The following RGS6 variants were observed in gnomAD, a reference collection of about 807,000 sequenced individuals.
RGS6 encodes regulator of G-protein signaling 6.
RGS6 carries 30 observed loss-of-function variants against 78.5 expected under a neutral mutation model. The observed-to-expected ratio is 0.38, with a 90% CI of 0.29 to 0.52. The LOEUF is 0.52. RGS6 is among the 20% of genes least tolerant of loss of function. RGS6 has a pLI of 0.85. For missense variants in RGS6, 495 were observed against 609.7 expected (o/e 0.81, Z 1.98); for synonymous variants, 206 against 206.0 (o/e 1.00, Z 0.00).
At chr14:72,519,905 A>G (rs757123036) in intron 15 of RGS6, among the ~76,000 whole-genome samples, 2 of 152,210 alleles carry the variant, frequency 1.3e-5, no homozygotes, top group Non-Finnish European at 2.9e-5. Flanking sequence ...CTAGCACAGT[A>G]TTAACACTCC....
rs111288638 is a variant in RGS6 at position 72,221,575 on chromosome 14, A to G, written c.85-130520A>G. ...AGGACTTCCAATCTGACATTTTTAA[A>G]CCCCTGAACAAGTGACGACAATCAC... On this transcript the variant is annotated intron_variant, in intron 2 of 17. Coordinates refer to ENST00000553525, the MANE Select transcript of RGS6 (RefSeq NM_001204424.2). Among the ~76,000 whole-genome samples, 1,106 of 152,246 alleles carry G rather than the reference A, an allele frequency of 7.3e-3. 11 individuals carry two copies. Among genetic ancestry groups the G allele is most frequent in the African/African-American group, 0.024 (1,017 of 41,554 alleles).
intron 2 of RGS6, among the ~76,000 whole-genome samples, chr14:72,299,846 T>G (rs930366748): frequency 2.6e-5 from 4 of 152,254 alleles, no homozygotes; most frequent in Non-Finnish European, 4.4e-5. Flanking sequence ...GCAATATCCC[T>G]TCTCACTTTC....
chr14:72,629,174 A>G, the RGS6 span, among the ~76,000 whole-genome samples: 3 of 152,320 alleles, frequency 2.0e-5, no homozygotes, highest in East Asian at 5.8e-4. Context: ...ATACATATGA[A>G]GTAGTTACAG....
intron 2 of RGS6, among the ~76,000 whole-genome samples, chr14:71,970,739 T>A (rs2153073398): frequency 6.6e-6 from 1 of 152,284 alleles, no homozygotes; most frequent in East Asian, 1.9e-4. Context: ...AGATGAGAAC[T>A]GAGCCCTGAA....
intron 2 of RGS6, among the ~76,000 whole-genome samples, chr14:72,089,679 A>C (rs1221908011): frequency 6.6e-6 from 1 of 152,254 alleles, no homozygotes; most frequent in African/African-American, 2.4e-5. Flanking sequence ...AGAACATTTT[A>C]TGTATTTTGC....
At chr14:72,153,723 G>A (rs2097973) in intron 2 of RGS6, among the ~76,000 whole-genome samples, 2,669 of 152,222 alleles carry the variant, frequency 0.018, 29 homozygotes, top group Non-Finnish European at 0.028. Context: ...GGGGGTGTAC[G>A]ACCAGGGAGT....
At chr14:72,000,621 G>A (rs960706686) in intron 2 of RGS6, among the ~76,000 whole-genome samples, 1 of 152,124 alleles carries the variant, frequency 6.6e-6, no homozygotes, top group African/African-American at 2.4e-5. Flanking sequence ...ACTGGGAGAG[G>A]GACAAGAGAT....
At chr14:72,305,573 T>C (rs2067053403) in intron 2 of RGS6, among the ~76,000 whole-genome samples, 2 of 152,236 alleles carry the variant, frequency 1.3e-5, no homozygotes, top group Admixed American at 6.5e-5. Flanking sequence ...GTTGTTTATG[T>C]TGCTATTATA....
intron 3 of RGS6, among the ~76,000 whole-genome samples, chr14:72,358,828 A>G (rs959367513): frequency 3.9e-5 from 6 of 152,194 alleles, no homozygotes; most frequent in Non-Finnish European, 7.4e-5. Flanking sequence ...ATGTGAGGAT[A>G]TGAGATTTGG....
intron 2 of RGS6, among the ~76,000 whole-genome samples, chr14:72,191,281 C>A (rs1385882358): frequency 6.6e-6 from 1 of 152,008 alleles, no homozygotes. Flanking sequence ...TTCGTCCACA[C>A]CTGCGTTTGT....
At chr14:71,958,063 GC>G (rs2092926001) in intron 1 of RGS6, among the ~76,000 whole-genome samples, 1 of 151,930 alleles carries the variant, frequency 6.6e-6, no homozygotes, top group Non-Finnish European at 1.5e-5. Context: ...AATTAGTTTA[GC>G]CTGTCAGGCA....
At chr14:72,006,470 T>C (rs752331806) in intron 2 of RGS6, among the ~76,000 whole-genome samples, 1 of 152,124 alleles carries the variant, frequency 6.6e-6, no homozygotes, top group East Asian at 1.9e-4. Context: ...CACTAACCTA[T>C]GGAAAGCTAG....
intron 14 of RGS6, 82 bp downstream of exon 14, chr14:72,510,361 C>G: frequency 1.3e-6 from 2 of 1,526,104 alleles, no homozygotes; most frequent in Non-Finnish European, 1.8e-6. Context: ...CTCTCTCTCT[C>G]AATGAAACGT....
intron 2 of RGS6, among the ~76,000 whole-genome samples, chr14:72,032,474 TAAC>T (rs1234811597): frequency 6.6e-6 from 1 of 152,202 alleles, no homozygotes; most frequent in Non-Finnish European, 1.5e-5. Flanking sequence ...GATAAAAACA[TAAC>T]AAAAGTTACC....
At chr14:72,477,091 G>A (rs1330205231) in intron 11 of RGS6, 3 of 450,430 alleles carry the variant, frequency 6.7e-6, no homozygotes, top group Admixed American at 7.5e-5. Context: ...ATGCCTTGGG[G>A]TAACTGCTGT....
chr14:72,539,632 GC>G (rs1434256239), intron 16 of RGS6, among the ~76,000 whole-genome samples: 2 of 152,132 alleles, frequency 1.3e-5, no homozygotes, highest in Non-Finnish European at 2.9e-5. Flanking sequence ...GACTTGGGGG[GC>G]CCCCAGGGCC....
chr14:72,464,169 TCTTA>T (rs2095846806), intron 6 of RGS6, among the ~76,000 whole-genome samples: 1 of 152,234 alleles, frequency 6.6e-6, no homozygotes, highest in African/African-American at 2.4e-5. Flanking sequence ...TTATTATTTT[TCTTA>T]CTTTTTCCTG....
intron 3 of RGS6, among the ~76,000 whole-genome samples, chr14:72,385,408 T>C (rs1566691131): frequency 6.6e-6 from 1 of 152,196 alleles, no homozygotes; most frequent in Non-Finnish European, 1.5e-5. Context: ...TGTTCACATT[T>C]GGAGGGATTG....
chr14:72,209,134 G>A (rs371736889), intron 2 of RGS6, among the ~76,000 whole-genome samples: 1 of 152,196 alleles, frequency 6.6e-6, no homozygotes, highest in East Asian at 1.9e-4. Context: ...CCAGATACTT[G>A]GGAGGCTGAG....
Sources: allele counts gnomAD v4.1 joint callset (sites outside exome capture counted in the v4.1 genomes callset), GRCh38; gene constraint gnomAD v4.1.1; transcripts MANE v1.5; gene names NCBI Gene and HGNC (gene_info 2026-07-23, HGNC 2026-07-21).